MEGF10: variants seen among roughly 807,000 people sequenced by gnomAD.
The protein encoded by MEGF10 is multiple EGF like domains 10.
A neutral mutation model predicts 147.5 loss-of-function variants in MEGF10; 86 were observed. The observed-to-expected ratio is 0.58, with a 90% confidence interval of 0.49 to 0.70. The LOEUF (loss-of-function observed/expected upper bound fraction) is 0.70, where lower values mean the gene tolerates loss of function less well. MEGF10 is among the 30% of genes least tolerant of loss of function. MEGF10 has a pLI of 0.00. For missense variants in MEGF10, 1,329 were observed against 1,487.3 expected (o/e 0.89, Z 1.75); for synonymous variants, 478 against 525.5 (o/e 0.91, Z 1.24).
At chr5:127,403,163 C>T (rs769760667) in intron 8 of MEGF10, among the ~76,000 whole-genome samples, 9 of 152,130 alleles carry the variant, frequency 5.9e-5, no homozygotes, top group Non-Finnish European at 1.2e-4. Flanking sequence ...CCCTCTGGTC[C>T]CACACGAAAC....
chr5:127,251,749 G>A, the MEGF10 span, among the ~76,000 whole-genome samples: 2 of 151,824 alleles, frequency 1.3e-5, no homozygotes, highest in African/African-American at 4.8e-5. Flanking sequence ...GCCTATCGAA[G>A]TAAGATATAA....
chr5:127,430,081 C>T (rs1014402295), intron 13 of MEGF10, among the ~76,000 whole-genome samples: 2 of 152,088 alleles, frequency 1.3e-5, no homozygotes, highest in African/African-American at 4.8e-5. Flanking sequence ...GTTCCCTTAG[C>T]CTGCAGTCCT....
chr5:127,448,574 TG>T (rs1158521902), intron 21 of MEGF10, among the ~76,000 whole-genome samples: 1 of 152,238 alleles, frequency 6.6e-6, no homozygotes, highest in African/African-American at 2.4e-5. Context: ...ATTTAATTAA[TG>T]CAGCTATAGA....
At chr5:127,251,408 T>C in the MEGF10 span, among the ~76,000 whole-genome samples, 1 of 152,034 alleles carries the variant, frequency 6.6e-6, no homozygotes, top group East Asian at 1.9e-4. Flanking sequence ...AGAGGGATCA[T>C]TATACTACCT....
At chr5:127,325,699 G>A (rs1444817303) in intron 1 of MEGF10, among the ~76,000 whole-genome samples, 3 of 151,796 alleles carry the variant, frequency 2.0e-5, no homozygotes, top group Non-Finnish European at 2.9e-5. Context: ...CCCAGTTTTT[G>A]TTTGATGTGA....
chr5:127,298,395 A>G (rs2126708286), intron 1 of MEGF10, among the ~76,000 whole-genome samples: 1 of 152,310 alleles, frequency 6.6e-6, no homozygotes, highest in East Asian at 1.9e-4. Flanking sequence ...TCCTTCCAGT[A>G]TCCTCCCTGC....
At chr5:127,244,195 C>CAAAA in the MEGF10 span, among the ~76,000 whole-genome samples, 134 of 70,402 alleles carry the variant, frequency 1.9e-3, no homozygotes, top group African/African-American at 6.6e-3. Flanking sequence ...AAACTCTGTC[C>CAAAA]AAAAAAAAAA....
chr5:127,402,682 G>C lies in MEGF10; in HGVS notation c.917G>C (p.Arg306Pro). ...TGCAGTCCAGGATACACAGGGGAAC[G>C]GTAAGGGATGCCCTTGTATTTCTCT... ...CHCSPGYTGE[R>P]CQDECPVGTY... is the part of the protein sequence containing the mutation. Residue 306 changes from arginine (R) to proline (P), a missense_variant and splice_region_variant, in exon 8 of 25, where the codon CGG becomes CCG. This residue lies in a region of MEGF10 where 980 missense variants were observed against 1,085.9 expected (regional missense o/e 0.90). Transcript: ENST00000503335. The C allele has an allele frequency of 1.2e-6, 2 of 1,613,808 alleles. No homozygotes were observed. Among genetic ancestry groups the C allele is most frequent in the African/African-American group, 1.3e-5 (1 of 75,014 alleles).
Position 127,396,565 on chromosome 5 carries a change from C to G in MEGF10, c.446C>G (p.Thr149Ser), listed in dbSNP as rs763157072. 6.3e-7 allele frequency: 1 copy of G among 1,586,680 alleles called. No individual in the cohort carries two copies. The highest frequency in any genetic ancestry group is 1.1e-5 in the South Asian group (1 of 87,428). The change falls in exon 6 of 25, where the codon ACC becomes AGC. Residue 149 changes from threonine to serine, a missense_variant. By Grantham distance (58) the Thr-to-Ser change is moderately conservative. Around this residue, in one of 3 missense-constraint regions of MEGF10, gnomAD observed 980 missense variants for 1,085.9 expected, o/e 0.90. Transcript: ENST00000503335. ...CDGDHWGPHC[T>S]SRCQCKNGAL... ...GGTGATCACTGGGGTCCCCACTGCA[C>G]CAGCCGGTGCCAGTGCAAAAATGGG...
chr5:127,380,809 G>T (rs535148441), intron 5 of MEGF10, among the ~76,000 whole-genome samples: 2 of 152,092 alleles, frequency 1.3e-5, no homozygotes, highest in Non-Finnish European at 2.9e-5. Flanking sequence ...GAGCCACCGC[G>T]CCCAGCTGAC....
At chr5:127,383,497 A>C (rs1386473057) in intron 5 of MEGF10, among the ~76,000 whole-genome samples, 3 of 152,164 alleles carry the variant, frequency 2.0e-5, no homozygotes, top group Non-Finnish European at 4.4e-5. Flanking sequence ...GTAAATCTCA[A>C]TATCATAATA....
chr5:127,237,287 G>A, the MEGF10 span, among the ~76,000 whole-genome samples: 1 of 152,178 alleles, frequency 6.6e-6, no homozygotes, highest in Non-Finnish European at 1.5e-5. Context: ...GAGGTCACGA[G>A]TTCAAGACCA....
chr5:127,335,131 G>A (rs969821696), intron 2 of MEGF10, among the ~76,000 whole-genome samples: 1 of 152,178 alleles, frequency 6.6e-6, no homozygotes, highest in African/African-American at 2.4e-5. Context: ...TTTTGCCTCT[G>A]AATGCTGAAA....
intron 5 of MEGF10, among the ~76,000 whole-genome samples, chr5:127,372,992 A>T (rs1020911164): frequency 2.0e-5 from 3 of 152,084 alleles, no homozygotes. Context: ...ATTATTTGGA[A>T]TTTTTCTGTA....
chr5:127,290,365 C>G (rs1485508284), upstream of MEGF10, among the ~76,000 whole-genome samples: 2 of 152,184 alleles, frequency 1.3e-5, no homozygotes, highest in Non-Finnish European at 2.9e-5. Flanking sequence ...GAGGACCCGC[C>G]GTCCACTCCA....
chr5:127,246,548 A>G, the MEGF10 span, among the ~76,000 whole-genome samples: 1 of 151,824 alleles, frequency 6.6e-6, no homozygotes, highest in African/African-American at 2.4e-5. Flanking sequence ...GCACATGTAT[A>G]CCTATGTAAC....
rs1156331474 is a variant in MEGF10, at chr5:127,434,804, G to A, written c.1958G>A (p.Gly653Asp). ...TGTGACTGCTTGCCTGGCTTCACAG[G>A]CGCCCTCTGCAATGAAGGTAAGGCA... is the stretch of plus-strand genomic sequence containing the variant. ...GLCDCLPGFT[G>D]ALCNEVCPSG... is the part of the protein sequence containing the mutation. Residue 653 changes from glycine (G) to aspartate (D), a missense_variant, in exon 15 of 25, where the codon GGC becomes GAC. By Grantham distance (94) the Gly-to-Asp change is moderately conservative (BLOSUM62 -1). Around this residue, in one of 3 missense-constraint regions of MEGF10, gnomAD observed 980 missense variants for 1,085.9 expected, o/e 0.90. Transcript: ENST00000503335. 2 of 1,613,230 alleles carry A rather than the reference G, an allele frequency of 1.2e-6. No homozygotes were observed. Among genetic ancestry groups the A allele is most frequent in the South Asian group, 2.2e-5 (2 of 91,056 alleles).
intron 1 of MEGF10, among the ~76,000 whole-genome samples, chr5:127,295,237 G>A (rs961697886): frequency 6.6e-5 from 10 of 152,138 alleles, no homozygotes; most frequent in Non-Finnish European, 1.5e-5. Flanking sequence ...AATATATTAT[G>A]AAATCTCTAA....
chr5:127,334,153 A>G (rs1158174038), intron 2 of MEGF10, among the ~76,000 whole-genome samples: 1 of 152,138 alleles, frequency 6.6e-6, no homozygotes, highest in Non-Finnish European at 1.5e-5. Flanking sequence ...TTCGTCTAGT[A>G]TTTTCAAAAA....
Sources: gnomAD v4.1 joint callset for allele counts (sites outside exome capture counted in the v4.1 genomes callset) on GRCh38, gnomAD v4.1.1 for gene constraint, gnomAD v4.1.1 regional missense constraint, MANE v1.5 for transcripts, NCBI Gene and HGNC (gene_info 2026-07-23, HGNC 2026-07-21) for gene names.